The following CDH18 variants were observed in gnomAD, a reference collection of about 807,000 sequenced individuals.
The protein encoded by CDH18 is cadherin 18.
CDH18 carries 31 observed loss-of-function variants against 67.9 expected under a neutral mutation model. The observed-to-expected ratio is 0.46, with a 90% CI of 0.34 to 0.62. The LOEUF is 0.62. Among genes scored for constraint, CDH18 ranks in the 20% least tolerant of loss-of-function variants. The pLI, the probability that CDH18 is intolerant of heterozygous loss-of-function variation, is 0.01. For missense variants in CDH18, 890 were observed against 975.5 expected (o/e 0.91, Z 1.17); for synonymous variants, 362 against 347.2 (o/e 1.04, Z -0.48).
At position 19,994,855 on chromosome 5, in the gene CDH18, T is replaced by TAGAGAGAGAGAGAGAGAGAG. The variant is rs1554078420; in HGVS notation, c.-517-2861_-517-2842dup. ...ATATATATATATATATATATATATA[T>TAGAGAGAGAGAGAGAGAGAG]AGAGAGAGAGAGAGAGAGAGAGATG... On this transcript the variant is annotated intron_variant, in intron 2 of 14. Transcript: ENST00000507958. Among the ~76,000 whole-genome samples the TAGAGAGAGAGAGAGAGAGAG allele has an allele frequency of 5.8e-4, 39 of 67,584 alleles. 5 individuals are homozygous for TAGAGAGAGAGAGAGAGAGAG. The highest frequency in any genetic ancestry group is 2.7e-3 in the African/African-American group (37 of 13,598). 44.3% of individuals were successfully genotyped at this position (67,584 alleles called of 152,430 possible). A position where few individuals can be genotyped will look rare whatever the true frequency, so the allele number is the denominator to read the frequency against.
intron 2 of CDH18, among the ~76,000 whole-genome samples, chr5:20,191,942 C>T (rs1393745087): frequency 6.6e-6 from 1 of 152,078 alleles, no homozygotes; most frequent in Non-Finnish European, 1.5e-5. Context: ...ATATTGTCTT[C>T]CACAATGGTT....
chr5:19,504,491 A>T (rs1312039553), intron 10 of CDH18, among the ~76,000 whole-genome samples: 1 of 152,018 alleles, frequency 6.6e-6, no homozygotes, highest in Non-Finnish European at 1.5e-5. Flanking sequence ...GTAGGGGAAT[A>T]CATTGATGGA....
chr5:19,540,616 T>C (rs1750112556), intron 9 of CDH18, among the ~76,000 whole-genome samples: 1 of 152,164 alleles, frequency 6.6e-6, no homozygotes, highest in Non-Finnish European at 1.5e-5. Context: ...CCTCAATTCT[T>C]GACTTCTATC....
intron 1 of CDH18, among the ~76,000 whole-genome samples, chr5:19,982,249 C>G (rs1799127492): frequency 6.6e-6 from 1 of 151,982 alleles, no homozygotes; most frequent in African/African-American, 2.4e-5. Flanking sequence ...TTCTCCATAA[C>G]AAGAAAAATT....
At chr5:19,757,604 C>T (rs1180972887) in intron 3 of CDH18, among the ~76,000 whole-genome samples, 1 of 152,192 alleles carries the variant, frequency 6.6e-6, no homozygotes, top group Non-Finnish European at 1.5e-5. Context: ...TTAAAATCCT[C>T]CTCAGTTGAG....
chr5:19,938,652 A>C lies in CDH18; in HGVS notation c.-257+42408T>G, dbSNP rs190043083. Among the ~76,000 whole-genome samples the C allele has an allele frequency of 3.5e-4, 53 of 151,638 alleles. 1 individual carries two copies. The highest frequency in any genetic ancestry group is 3.3e-3 in the Admixed American group (50 of 15,158). On this transcript the variant is annotated intron_variant, in intron 2 of 12. Coordinates refer to ENST00000382275, the MANE Select transcript of CDH18 (RefSeq NM_004934.5). ...TACTTCATGCTTTGTTCCTGAAATA[A>C]CTATCAGGACATAAAGTATATATCT...
rs114639558 is a variant in CDH18 at position 19,613,650 on chromosome 5, T to C, written c.644-1049A>G. Among the ~76,000 whole-genome samples, 1,090 of 152,258 alleles carry C rather than the reference T, an allele frequency of 7.2e-3. 14 individuals carry two copies. Among genetic ancestry groups the C allele is most frequent in the African/African-American group, 0.025 (1,032 of 41,548 alleles). The stretch of plus-strand genomic sequence containing the variant: ...ATACCCATCTGTGATTACGCATACA[T>C]AAACACCCACCTCTACATACATAAA... On this transcript the variant is annotated intron_variant, in intron 5 of 12. Coordinates refer to ENST00000382275, the MANE Select transcript of CDH18 (RefSeq NM_004934.5).
At chr5:20,313,676 T>C (rs1475969393) in intron 1 of CDH18, among the ~76,000 whole-genome samples, 1 of 152,056 alleles carries the variant, frequency 6.6e-6, no homozygotes, top group African/African-American at 2.4e-5. Context: ...GAGTGCCTCC[T>C]TTTAGAGATG....
At chr5:20,299,614 C>T (rs1451929317) in intron 1 of CDH18, among the ~76,000 whole-genome samples, 2 of 151,908 alleles carry the variant, frequency 1.3e-5, no homozygotes, top group African/African-American at 4.8e-5. Context: ...CAAAAATTAG[C>T]CGGGCGTGGT....
intron 2 of CDH18, among the ~76,000 whole-genome samples, chr5:20,221,487 G>A (rs1741221766): frequency 6.6e-6 from 1 of 152,076 alleles, no homozygotes; most frequent in African/African-American, 2.4e-5. Flanking sequence ...CGGGGTTGGG[G>A]GAGTGGCGAT....
In CDH18 at chr5:19,483,569, C is replaced by T. The variant is rs752080375; in HGVS notation, c.1631-17G>A. On this transcript the variant is annotated splice_polypyrimidine_tract_variant and intron_variant, in intron 11 of 12. Transcript: ENST00000382275. The stretch of plus-strand genomic sequence containing the variant: ...CTGTGTTATCTATGATAGACATAAG[C>T]AAAACAAAATACACTTAGTCAAGCC... The T allele has an allele frequency of 6.3e-7, 1 of 1,578,170 alleles. No homozygotes were observed. Among genetic ancestry groups the T allele is most frequent in the Non-Finnish European group, 8.6e-7 (1 of 1,160,074 alleles).
At chr5:20,467,400 T>C (rs1302974607) in intron 1 of CDH18, among the ~76,000 whole-genome samples, 1 of 152,158 alleles carries the variant, frequency 6.6e-6, no homozygotes, top group East Asian at 1.9e-4. Context: ...TTCAATAAGC[T>C]TAACTAAGTT....
Position 19,695,690 on chromosome 5 carries a change from T to C in CDH18, c.643+25657A>G, listed in dbSNP as rs138080628. Among the ~76,000 whole-genome samples the C allele has an allele frequency of 5.2e-3, 787 of 152,302 alleles. 8 individuals are homozygous for C. Among genetic ancestry groups the C allele is most frequent in the African/African-American group, 0.018 (753 of 41,550 alleles). On this transcript the variant is annotated intron_variant, in intron 5 of 12. Coordinates refer to ENST00000382275, the MANE Select transcript of CDH18 (RefSeq NM_004934.5). ...CAGGAATGGGTTAGTGCTGTGTGAG[T>C]TGACATTTCCTATAACTTCAACTCT... is the stretch of plus-strand genomic sequence containing the variant.
At chr5:20,157,397 A>G (rs1751613750) in intron 2 of CDH18, among the ~76,000 whole-genome samples, 1 of 152,152 alleles carries the variant, frequency 6.6e-6, no homozygotes, top group African/African-American at 2.4e-5. Context: ...AGTGATAACT[A>G]ATATCATTTA....
chr5:19,650,541 G>C (rs1755421867), intron 5 of CDH18, among the ~76,000 whole-genome samples: 1 of 151,938 alleles, frequency 6.6e-6, no homozygotes, highest in Non-Finnish European at 1.5e-5. Context: ...GAGATAAAGA[G>C]AAAATAAAGA....
chr5:20,571,320 A>G (rs1016177512), intron 1 of CDH18, among the ~76,000 whole-genome samples: 2 of 152,062 alleles, frequency 1.3e-5, no homozygotes, highest in African/African-American at 2.4e-5. Flanking sequence ...CTTATTTTCA[A>G]TTTTAGCCCA....
At chr5:20,399,964 T>C (rs1745621045) in intron 1 of CDH18, among the ~76,000 whole-genome samples, 2 of 152,176 alleles carry the variant, frequency 1.3e-5, no homozygotes, top group South Asian at 2.1e-4. Flanking sequence ...GTGTACACTC[T>C]TACTTTATAT....
chr5:19,897,648 T>C (rs1440184327), intron 2 of CDH18, among the ~76,000 whole-genome samples: 1 of 151,992 alleles, frequency 6.6e-6, no homozygotes, highest in African/African-American at 2.4e-5. Context: ...TTTACAATAA[T>C]CCTAAACTGA....
intron 2 of CDH18, among the ~76,000 whole-genome samples, chr5:20,225,253 A>C (rs1741524400): frequency 6.6e-6 from 1 of 152,026 alleles, no homozygotes; most frequent in African/African-American, 2.4e-5. Flanking sequence ...TTTCTCTCCC[A>C]TAACTAGAAG....
Sources: gnomAD v4.1 joint callset for allele counts (sites outside exome capture counted in the v4.1 genomes callset) on GRCh38, gnomAD v4.1.1 for gene constraint, MANE v1.5 for transcripts, NCBI Gene and HGNC (gene_info 2026-07-23, HGNC 2026-07-21) for gene names.